NCAPD3: variants seen among roughly 807,000 people sequenced by gnomAD.
NCAPD3 encodes the protein non-SMC condensin II complex subunit D3, also known as condensin-2 complex subunit D3.
NCAPD3 carries 105 observed loss-of-function variants against 182.9 expected under a neutral mutation model. The observed-to-expected ratio is 0.57, with a 90% CI of 0.49 to 0.68. NCAPD3 has a LOEUF of 0.68. Among genes scored for constraint, NCAPD3 ranks in the 30% least tolerant of loss-of-function variants. The pLI is 0.00. For missense variants in NCAPD3, 1,944 were observed against 1,837.0 expected (o/e 1.06, Z -1.07); for synonymous variants, 815 against 679.9 (o/e 1.20, Z -3.09).
chr11:134,209,272 T>C (rs1299750237), intron 5 of NCAPD3, 41 bp downstream of exon 5: 20 of 1,609,206 alleles, frequency 1.2e-5, no homozygotes, highest in Non-Finnish European at 1.5e-5. Flanking sequence ...CATAGTCTAA[T>C]CCTTTGAAGT....
intron 16 of NCAPD3, among the ~76,000 whole-genome samples, chr11:134,192,472 TG>T (rs1944542718): frequency 3.3e-5 from 5 of 152,140 alleles, no homozygotes; most frequent in African/African-American, 1.2e-4. Flanking sequence ...GTCAGACAGA[TG>T]CAAAGGAAGT....
At chr11:134,181,043 G>T in intron 20 of NCAPD3, 34 bp downstream of exon 20, 1 of 1,492,982 alleles carries the variant, frequency 6.7e-7, no homozygotes, top group Non-Finnish European at 9.3e-7. Flanking sequence ...TAAAATGGAA[G>T]CGAAAAGAAT....
intron 24 of NCAPD3, chr11:134,173,250 C>A: frequency 6.5e-6 from 1 of 153,664 alleles, no homozygotes; most frequent in South Asian, 1.8e-4. Flanking sequence ...AGGAGGTGCT[C>A]AAAGCCCCAG....
chr11:134,164,476 G>A (rs766319895), intron 27 of NCAPD3, among the ~76,000 whole-genome samples: 4 of 152,244 alleles, frequency 2.6e-5, no homozygotes, highest in Non-Finnish European at 4.4e-5. Flanking sequence ...AAAGAAGTCA[G>A]CACCAGAGCA....
At chr11:134,167,244 ACT>A (rs1194826778) in intron 27 of NCAPD3, among the ~76,000 whole-genome samples, 2 of 131,272 alleles carry the variant, frequency 1.5e-5, no homozygotes, top group Non-Finnish European at 1.6e-5. Context: ...GGAGGCGCAC[ACT>A]CGTGAGATGA....
intron 24 of NCAPD3, among the ~76,000 whole-genome samples, chr11:134,171,302 C>T (rs541321884): frequency 1.3e-5 from 2 of 152,142 alleles, no homozygotes; most frequent in Admixed American, 1.3e-4. Flanking sequence ...TTATTACAGC[C>T]TTGTAAAAAG....
intron 27 of NCAPD3, among the ~76,000 whole-genome samples, 177 bp downstream of exon 27, chr11:134,167,819 C>A (rs1016753827): frequency 1.6e-5 from 2 of 124,558 alleles, no homozygotes; most frequent in Non-Finnish European, 3.2e-5. Context: ...CTTAGGGGAG[C>A]AGCACACTCA....
intron 13 of NCAPD3, among the ~76,000 whole-genome samples, chr11:134,198,047 C>T (rs1352046603): frequency 1.3e-5 from 2 of 152,198 alleles, no homozygotes; most frequent in Non-Finnish European, 2.9e-5. Flanking sequence ...AATTCTAAGG[C>T]TCTCCAACCA....
chr11:134,178,156 T>TA (rs1425445356), intron 22 of NCAPD3: 1 of 152,398 alleles, frequency 6.6e-6, no homozygotes. Context: ...AATATGTAAA[T>TA]AGTCATCTAG....
At chr11:134,179,743 T>G (rs1944253757) in intron 20 of NCAPD3, among the ~76,000 whole-genome samples, 1 of 152,218 alleles carries the variant, frequency 6.6e-6, no homozygotes, top group Non-Finnish European at 1.5e-5. Flanking sequence ...TTCATAACAT[T>G]CAGTTTAACA....
chr11:134,203,054 A>T, intron 12 of NCAPD3, 88 bp downstream of exon 12: 1 of 1,214,646 alleles, frequency 8.2e-7, no homozygotes. Context: ...TAAAGCAGGT[A>T]AATAAGGAGG....
In NCAPD3 at chr11:134,202,899, GA is replaced by G. The variant is rs1944779460; in HGVS notation, c.1531del (p.Ser511ProfsTer18). ...ACGGTTAGATGTCTGCCTTTGGTAG[GA>G]AAAAGCTTTAAAAAAAAAATTACAG... ...GTLLRNSSAF[S>X]YQRQTSNRSE... On this transcript the variant is annotated frameshift_variant, in exon 13 of 35. Transcript: ENST00000534548. LOFTEE classifies it high-confidence loss of function. 1 of 1,597,966 alleles carries G rather than the reference GA, an allele frequency of 6.3e-7. No individual in the cohort carries two copies.
In NCAPD3 at chr11:134,220,703, G is replaced by C. The variant is rs1424999369; in HGVS notation, c.88C>G (p.Leu30Val). 6.2e-7 allele frequency: 1 copy of C among 1,613,892 alleles called. No homozygotes were observed. Among genetic ancestry groups the C allele is most frequent in the East Asian group, 2.2e-5 (1 of 44,874 alleles). ...RLEWVDTVWE[L>V]DFTETEPLDP... ...AAAGGCTCAGTCTCTGTGAAATCCAGTTCCCACACTGTGTCAACCCATTCT... is the reference window on the plus strand; with the variant it reads ...AAAGGCTCAGTCTCTGTGAAATCCACTTCCCACACTGTGTCAACCCATTCT... Residue 30 changes from leucine (L) to valine (V), a missense_variant, in exon 2 of 35, where the codon CTG becomes GTG. Transcript: ENST00000534548.
At chr11:134,170,440 T>C (rs546437081) in intron 24 of NCAPD3, among the ~76,000 whole-genome samples, 1 of 152,344 alleles carries the variant, frequency 6.6e-6, no homozygotes, top group African/African-American at 2.4e-5. Context: ...GTGACAAGAA[T>C]GAAAAAAACC....
chr11:134,156,937 GT>G, intron 32 of NCAPD3, 80 bp downstream of exon 32: 1 of 1,284,844 alleles, frequency 7.8e-7, no homozygotes, highest in Non-Finnish European at 1.1e-6. Flanking sequence ...ACCGGAAGGA[GT>G]TTTACTGCGA....
intron 28 of NCAPD3, among the ~76,000 whole-genome samples, chr11:134,161,020 C>A (rs1943563140): frequency 6.6e-6 from 1 of 151,208 alleles, no homozygotes; most frequent in African/African-American, 2.4e-5. Flanking sequence ...TTATTTTTAT[C>A]ATACAATGAG....
chr11:134,211,404 T>G (rs539686275), intron 3 of NCAPD3, among the ~76,000 whole-genome samples: 34 of 152,158 alleles, frequency 2.2e-4, no homozygotes, highest in African/African-American at 7.7e-4. Context: ...TTCCAACACT[T>G]TGGGAGGCTG....
rs775942849 is a variant in NCAPD3 at position 134,206,619 on chromosome 11, G to T, written c.996C>A (p.Asn332Lys). ...AVTSQVINCRNQAVQFISALV... is the reference protein window; with the variant it reads ...AVTSQVINCRKQAVQFISALV... The stretch of plus-strand genomic sequence containing the variant: ...TTCACCTGATAAACTGGACCGCCTG[G>T]TTTCTACAGTTGATGACTTGGGAGG... The change falls in exon 8 of 35, where the codon AAC becomes AAA. Residue 332 changes from asparagine (N) to lysine (K), a missense_variant. Asn to Lys is a moderately conservative substitution (Grantham distance 94, BLOSUM62 0). Coordinates refer to ENST00000534548, the MANE Select transcript of NCAPD3 (RefSeq NM_015261.3). 1.9e-6 allele frequency: 3 copies of T among 1,613,092 alleles called. No individual in the cohort carries two copies. Among genetic ancestry groups the T allele is most frequent in the African/African-American group, 2.7e-5 (2 of 74,858 alleles).
chr11:134,216,908 T>C (rs1346487997), intron 3 of NCAPD3, 28 bp downstream of exon 3: 10 of 1,561,108 alleles, frequency 6.4e-6, no homozygotes, highest in Non-Finnish European at 7.8e-6. Context: ...TGACAGAAGA[T>C]TTATCCTATC....
Sources: allele counts gnomAD v4.1 joint callset (sites outside exome capture counted in the v4.1 genomes callset), GRCh38; gene constraint gnomAD v4.1.1; transcripts MANE v1.5; gene names NCBI Gene and HGNC (gene_info 2026-07-23, HGNC 2026-07-21).